The following SLC12A7 variants were observed in gnomAD, a reference collection of about 807,000 sequenced individuals.
SLC12A7 encodes K-Cl cotransporter 4.
In SLC12A7, 100 loss-of-function variants were observed where a neutral mutation model predicts 120.6. The ratio of observed to expected loss-of-function variants is 0.83; its 90% CI spans 0.71 to 0.98. The LOEUF is 0.98. SLC12A7 is among the 50% of genes least tolerant of loss of function. The pLI is 0.00. For missense variants in SLC12A7, 1,373 were observed against 1,548.1 expected (o/e 0.89, Z 1.90); for synonymous variants, 760 against 678.0 (o/e 1.12, Z -1.88).
upstream of SLC12A7, among the ~76,000 whole-genome samples, chr5:1,114,384 G>A (rs529106575): frequency 4.6e-5 from 7 of 152,264 alleles, no homozygotes; most frequent in South Asian, 2.1e-4. Context: ...AAGCACCTGC[G>A]GGTCAAGACA....
At chr5:1,130,953 C>T in the SLC12A7 span, among the ~76,000 whole-genome samples, 4 of 151,778 alleles carry the variant, frequency 2.6e-5, no homozygotes, top group African/African-American at 7.3e-5. Context: ...AACCTCACGT[C>T]GGAGGGTGGT....
At chr5:1,103,253 C>T (rs554539856) in intron 1 of SLC12A7, among the ~76,000 whole-genome samples, 1 of 152,164 alleles carries the variant, frequency 6.6e-6, no homozygotes, top group Non-Finnish European at 1.5e-5. Context: ...CACCCATTCC[C>T]GAAGTGACCT....
Position 1,056,549 on chromosome 5 carries a change from G to C in SLC12A7, c.3026+922C>G, listed in dbSNP as rs776553182. ...ACAGGCATGCAGGGCAACCGGGCCC[G>C]GAAGGCGACCTGGTTGTAGCGAGTG... On this transcript the variant is annotated intron_variant, in intron 22 of 23. Coordinates refer to ENST00000264930, the MANE Select transcript of SLC12A7 (RefSeq NM_006598.3). 4 of 982,732 alleles carry C rather than the reference G, an allele frequency of 4.1e-6. No homozygotes were observed. The African/African-American group carries it at 5.2e-5, about 13-fold the overall frequency. The allele number at this position is 982,732 out of a possible 1,614,324, so 60.9% of individuals were successfully genotyped here.
the SLC12A7 span, among the ~76,000 whole-genome samples, chr5:1,130,268 C>G: frequency 3.3e-5 from 5 of 152,214 alleles, no homozygotes; most frequent in Admixed American, 2.6e-4. Flanking sequence ...CCGGGCGAGG[C>G]TGGCTGGGAG....
intron 1 of SLC12A7, among the ~76,000 whole-genome samples, chr5:1,097,513 C>G (rs1044028114): frequency 3.9e-5 from 6 of 152,204 alleles, no homozygotes; most frequent in Non-Finnish European, 8.8e-5. Flanking sequence ...GAAAACATAA[C>G]GATGTAACCA....
At chr5:1,084,065 G>A (rs1739531639) in intron 7 of SLC12A7, 109 bp from the exon 8 acceptor site, 2 of 874,210 alleles carry the variant, frequency 2.3e-6, no homozygotes, top group Admixed American at 2.1e-5. Flanking sequence ...AGTGGCTCCT[G>A]GCACCCTGCA....
chr5:1,052,142 C>G lies in SLC12A7; in HGVS notation c.*218G>C. 1 of 579,318 alleles carries G rather than the reference C, an allele frequency of 1.7e-6. No homozygotes were observed. Among genetic ancestry groups the G allele is most frequent in the Non-Finnish European group, 3.1e-6 (1 of 324,520 alleles). 35.9% of individuals were successfully genotyped at this position (579,318 alleles called of 1,614,324 possible). A position where few individuals can be genotyped will look rare whatever the true frequency, so the allele number is the denominator to read the frequency against. Reference sequence around the variant, plus strand: ...CGTCTGCCCTCAGATGCAAGGAAATCGTCCAGCCACGCCCTGATTTGCTGA... The same window carrying G: ...CGTCTGCCCTCAGATGCAAGGAAATGGTCCAGCCACGCCCTGATTTGCTGA... On this transcript the variant is annotated 3_prime_UTR_variant, in exon 24 of 24. Transcript: ENST00000264930.
the SLC12A7 span, among the ~76,000 whole-genome samples, chr5:1,135,122 A>G: frequency 6.6e-6 from 1 of 151,994 alleles, no homozygotes; most frequent in Non-Finnish European, 1.5e-5. Flanking sequence ...GCAAGACTCC[A>G]TCTCAAACAA....
At chr5:1,094,769 A>G (rs1184240654) in intron 1 of SLC12A7, among the ~76,000 whole-genome samples, 1 of 152,062 alleles carries the variant, frequency 6.6e-6, no homozygotes, top group Non-Finnish European at 1.5e-5. Context: ...AGGACTTCCC[A>G]CTGTTCCCTG....
chr5:1,110,557 AGG>A lies in SLC12A7; in HGVS notation c.124+1309_124+1310del. 1.3e-5 allele frequency among the ~76,000 whole-genome samples: 2 copies of A among 152,276 alleles called. 1 individual carries two copies. The highest frequency in any genetic ancestry group is 3.8e-4 in the East Asian group (2 of 5,204). On this transcript the variant is annotated intron_variant, in intron 1 of 23. Coordinates refer to ENST00000264930, the MANE Select transcript of SLC12A7 (RefSeq NM_006598.3). ...AAAGTGAACCTGATCAGCCTTGAGAAGGGGCCGGCCAGACAAGAAGAGGCTCC... is the reference window on the plus strand; with the variant it reads ...AAAGTGAACCTGATCAGCCTTGAGAAGGCCGGCCAGACAAGAAGAGGCTCC...
chr5:1,131,264 T>A, the SLC12A7 span, among the ~76,000 whole-genome samples: 1 of 152,120 alleles, frequency 6.6e-6, no homozygotes, highest in Non-Finnish European at 1.5e-5. Context: ...CTCCCGGCCG[T>A]CCTGCTCCTT....
At chr5:1,130,251 G>C in the SLC12A7 span, among the ~76,000 whole-genome samples, 4 of 152,138 alleles carry the variant, frequency 2.6e-5, no homozygotes, top group Non-Finnish European at 5.9e-5. Flanking sequence ...TAACCTGCAG[G>C]ACCCCACCGG....
At chr5:1,058,034 A>G (rs1258267937) in intron 21 of SLC12A7, among the ~76,000 whole-genome samples, 1 of 152,132 alleles carries the variant, frequency 6.6e-6, no homozygotes, top group African/African-American at 2.4e-5. Flanking sequence ...CGTCTCAGGG[A>G]GGCTTGGGGC....
At chr5:1,057,064 C>T (rs1735697857) in intron 22 of SLC12A7, 1 of 171,930 alleles carries the variant, frequency 5.8e-6, no homozygotes, top group Admixed American at 6.3e-5. Context: ...GACTTCAGGG[C>T]TGGCCCAGGT....
chr5:1,057,237 T>G (rs1434805865), intron 22 of SLC12A7: 9 of 500,038 alleles, frequency 1.8e-5, no homozygotes, highest in African/African-American at 4.0e-5. Context: ...ACTCCCGGCC[T>G]TGGCACTAGA....
intron 13 of SLC12A7, 25 bp from the exon 14 acceptor site, chr5:1,076,261 A>G: frequency 6.3e-7 from 1 of 1,577,668 alleles, no homozygotes; most frequent in Non-Finnish European, 8.6e-7. Context: ...GGCCACTGAT[A>G]CGGGCCCACT....
chr5:1,103,155 C>T (rs778932022), intron 1 of SLC12A7, among the ~76,000 whole-genome samples: 21 of 152,084 alleles, frequency 1.4e-4, no homozygotes, highest in African/African-American at 2.4e-4. Flanking sequence ...GGCTGGGACA[C>T]GGGGGGCTTC....
intron 14 of SLC12A7, 48 bp downstream of exon 14, chr5:1,076,090 A>AGTG (rs1468552412): frequency 2.0e-5 from 30 of 1,499,334 alleles, no homozygotes; most frequent in Non-Finnish European, 2.6e-5. Flanking sequence ...AGAGGCACCC[A>AGTG]GTGTCCCAGC....
rs904211930 is a variant in SLC12A7 at position 1,051,114 on chromosome 5, G to C, written c.*1246C>G. 2.5e-6 allele frequency: 1 copy of C among 395,474 alleles called. No homozygotes were observed. The highest frequency in any genetic ancestry group is 3.6e-5 in the East Asian group (1 of 27,972). 24.5% of individuals were successfully genotyped at this position (395,474 alleles called of 1,614,324 possible). A position where few individuals can be genotyped will look rare whatever the true frequency, so the allele number is the denominator to read the frequency against. On this transcript the variant is annotated 3_prime_UTR_variant, in exon 24 of 24. Coordinates refer to ENST00000264930, the MANE Select transcript of SLC12A7 (RefSeq NM_006598.3). The stretch of plus-strand genomic sequence containing the variant: ...GTGCCACTGCCCGCAGCCTGCAAAT[G>C]TGACCACAACCTACAAAGCAGAAAC...
Sources: allele counts gnomAD v4.1 joint callset (sites outside exome capture counted in the v4.1 genomes callset), GRCh38; gene constraint gnomAD v4.1.1; transcripts MANE v1.5; gene names NCBI Gene and HGNC (gene_info 2026-07-23, HGNC 2026-07-21).